KANK1: variants seen among roughly 807,000 people sequenced by gnomAD.
KANK1 encodes KN motif and ankyrin repeat domains 1, also known as KN motif and ankyrin repeat domain-containing protein 1.
In KANK1, 109 loss-of-function variants were observed where a neutral mutation model predicts 106.2. The ratio of observed to expected loss-of-function variants is 1.03; its 90% CI spans 0.88 to 1.20. KANK1 has a LOEUF of 1.20. KANK1 is among the 50% of genes most tolerant of loss of function. The pLI, the probability that KANK1 is intolerant of heterozygous loss-of-function variation, is 0.00. For missense variants in KANK1, 2,399 were observed against 1,710.7 expected, an observed-to-expected ratio of 1.40 and a Z score of -7.10; for synonymous variants, 873 against 652.2, an observed-to-expected ratio of 1.34 and a Z score of -5.16.
intron 1 of KANK1, among the ~76,000 whole-genome samples, chr9:672,875 A>T (rs958358101): frequency 1.3e-5 from 2 of 152,182 alleles, no homozygotes; most frequent in African/African-American, 2.4e-5. Flanking sequence ...GTATTTTCCT[A>T]AATCGTTTCG....
rs143091169 is a variant in KANK1 at position 664,715 on chromosome 9, T to C, written c.-83-12175T>C. Among the ~76,000 whole-genome samples, 126 of 152,338 alleles carry C rather than the reference T, an allele frequency of 8.3e-4. 1 individual carries two copies. The highest frequency in any genetic ancestry group is 2.9e-3 in the African/African-American group (121 of 41,572). On this transcript the variant is annotated intron_variant, in intron 1 of 11. Coordinates refer to ENST00000382297, the MANE Select transcript of KANK1 (RefSeq NM_015158.5). ...TCAGTAGTGGAATTGCTGGATCATA[T>C]AGTATTCTACTTTTACATTTTTGAG... is the stretch of plus-strand genomic sequence containing the variant.
intron 1 of KANK1, chr9:539,728 C>G (rs58373788): frequency 4.0e-4 from 60 of 151,672 alleles, no homozygotes; most frequent in African/African-American, 1.5e-3. Context: ...CTCAAGCAGT[C>G]CTTCTGCCTT....
chr9:475,723 C>G (rs1473586708), intron 3 of KANK1, among the ~76,000 whole-genome samples: 1 of 152,030 alleles, frequency 6.6e-6, no homozygotes, highest in Non-Finnish European at 1.5e-5. Context: ...TTGAAATGGC[C>G]CTGCAAAGCC....
At chr9:645,776 C>T (rs1015484040) in intron 1 of KANK1, among the ~76,000 whole-genome samples, 1 of 150,418 alleles carries the variant, frequency 6.6e-6, no homozygotes. Context: ...TCCTGACCAG[C>T]CAGCTGAGAT....
intron 3 of KANK1, among the ~76,000 whole-genome samples, chr9:724,726 C>T (rs948430689): frequency 1.3e-5 from 2 of 151,862 alleles, no homozygotes; most frequent in Non-Finnish European, 2.9e-5. Flanking sequence ...CACTTGAACC[C>T]GGGAGGTGGA....
upstream of KANK1, among the ~76,000 whole-genome samples, chr9:504,520 GC>G (rs1344643058): frequency 6.6e-6 from 1 of 151,582 alleles, no homozygotes; most frequent in Non-Finnish European, 1.5e-5. Context: ...GCCGGCCCGC[GC>G]CGTTCTTCTC....
At chr9:611,289 A>G (rs1170146330) in intron 1 of KANK1, among the ~76,000 whole-genome samples, 2 of 152,214 alleles carry the variant, frequency 1.3e-5, no homozygotes, top group African/African-American at 4.8e-5. Context: ...CACTGAACCA[A>G]GAGCCCAGCC....
intron 1 of KANK1, among the ~76,000 whole-genome samples, chr9:526,878 G>A (rs1337736864): frequency 6.6e-6 from 1 of 151,648 alleles, no homozygotes; most frequent in African/African-American, 2.4e-5. Context: ...GGAAGATGAA[G>A]ATATAACTCT....
chr9:497,430 TCACACACA>T (rs112024846), intron 3 of KANK1, among the ~76,000 whole-genome samples: 73 of 150,836 alleles, frequency 4.8e-4, no homozygotes, highest in African/African-American at 1.7e-3. Flanking sequence ...ATGTGACTCT[TCACACACA>T]CACACACACT....
chr9:634,222 A>T (rs1266317289), intron 1 of KANK1, among the ~76,000 whole-genome samples: 1 of 152,170 alleles, frequency 6.6e-6, no homozygotes, highest in South Asian at 2.1e-4. Context: ...CTTCAAGGAT[A>T]GTTTGGTGAG....
intron 1 of KANK1, among the ~76,000 whole-genome samples, chr9:574,824 C>T (rs1198215849): frequency 1.5e-5 from 2 of 131,960 alleles, no homozygotes; most frequent in Non-Finnish European, 3.1e-5. Context: ...CACTGCACTC[C>T]AACTTAGGTG....
At chr9:503,067 G>T (rs115395612), upstream of KANK1, among the ~76,000 whole-genome samples, 3,645 of 144,234 alleles carry the variant, frequency 0.025, 167 homozygotes, top group South Asian at 0.13. Flanking sequence ...CAGAACTCCT[G>T]GGGTCAACTG....
rs536488908 is a variant in KANK1, at chr9:735,041, T to C, written c.3333+206T>C. 5.9e-5 allele frequency among the ~76,000 whole-genome samples: 9 copies of C among 152,308 alleles called. No homozygotes were observed. In the East Asian group the frequency reaches 1.5e-3, roughly 26 times the overall value. ...TTTCCTTGAGGCCCAACTTCGGACATCCTTTACCCACCCTGGACTTTTCCT... is the reference window on the plus strand; with the variant it reads ...TTTCCTTGAGGCCCAACTTCGGACACCCTTTACCCACCCTGGACTTTTCCT... On this transcript the variant is annotated intron_variant, in intron 7 of 11. Transcript: ENST00000382297.
chr9:682,008 G>A (rs904878352), intron 2 of KANK1, among the ~76,000 whole-genome samples: 13 of 152,074 alleles, frequency 8.5e-5, no homozygotes, highest in African/African-American at 1.4e-4. Flanking sequence ...GGCTGGGCAC[G>A]GTGGCTTACG....
chr9:538,831 C>A (rs147290237), intron 1 of KANK1, among the ~76,000 whole-genome samples: 4 of 152,272 alleles, frequency 2.6e-5, no homozygotes, highest in African/African-American at 9.6e-5. Context: ...GTAAGTACTT[C>A]ATAAATGACA....
Position 711,921 on chromosome 9 carries a change from C to G in KANK1, c.1155C>G (p.Ser385Arg), listed in dbSNP as rs1408607299. Residue 385 changes from serine to arginine, a missense_variant, in exon 3 of 12, where the codon AGC (serine) becomes AGG (arginine). Physicochemically the swap from Ser to Arg is moderately radical, Grantham distance 110. Coordinates refer to ENST00000382297, the MANE Select transcript of KANK1 (RefSeq NM_015158.5). Reference protein sequence around the residue: ...QALEQKIQDSSCEASSELREN... With the variant: ...QALEQKIQDSRCEASSELREN... ...TGGAGCAGAAGATCCAGGACAGCAG[C>G]TGTGAGGCCTCCTCAGAGCTCAGGG... 2 of 1,614,044 alleles carry G rather than the reference C, an allele frequency of 1.2e-6. No individual in the cohort carries two copies. The highest frequency in any genetic ancestry group is 1.7e-6 in the Non-Finnish European group (2 of 1,180,032).
chr9:740,648 T>A (rs910817180), intron 8 of KANK1, 144 bp from the exon 9 acceptor site: 70 of 891,458 alleles, frequency 7.9e-5, no homozygotes, highest in Non-Finnish European at 1.8e-5. Context: ...TCTCTCACAT[T>A]TCCTTCTAAG....
At chr9:604,366 A>T (rs1204634009) in intron 1 of KANK1, among the ~76,000 whole-genome samples, 1 of 151,678 alleles carries the variant, frequency 6.6e-6, no homozygotes, top group Non-Finnish European at 1.5e-5. Flanking sequence ...AGGTGATTGG[A>T]TCATGAGGAT....
In KANK1 at chr9:604,113, A is replaced by G. The variant is rs571201373; in HGVS notation, c.-83-72777A>G. Among the ~76,000 whole-genome samples, 16 of 151,888 alleles carry G rather than the reference A, an allele frequency of 1.1e-4. No homozygotes were observed. The East Asian group carries it at 2.3e-3, about 22-fold the overall frequency. On this transcript the variant is annotated intron_variant, in intron 1 of 11. Transcript: ENST00000382297. ...ACCAGTTCATAATAAATTAGTGTCT[A>G]AGATTAATGTTACAGCTGATATTCA...
Sources: gnomAD v4.1 joint callset for allele counts (sites outside exome capture counted in the v4.1 genomes callset) on GRCh38, gnomAD v4.1.1 for gene constraint, MANE v1.5 for transcripts, NCBI Gene and HGNC (gene_info 2026-07-23, HGNC 2026-07-21) for gene names.